CDH12: variants seen among roughly 807,000 people sequenced by gnomAD.
CDH12 encodes cadherin-12.
In CDH12, 41 loss-of-function variants were observed where a neutral mutation model predicts 74.1. The observed-to-expected ratio is 0.55, with a 90% CI of 0.43 to 0.72. The LOEUF is 0.72. CDH12 is among the 30% of genes least tolerant of loss of function. The pLI is 0.00. For synonymous variants in CDH12, 399 were observed against 355.0 expected, an observed-to-expected ratio of 1.12 and a Z score of -1.39; for missense variants, 945 against 977.2, an observed-to-expected ratio of 0.97 and a Z score of 0.44.
chr5:21,778,481 A>C (rs1745721860), intron 11 of CDH12, among the ~76,000 whole-genome samples: 1 of 150,364 alleles, frequency 6.7e-6, no homozygotes, highest in South Asian at 2.1e-4. Flanking sequence ...AAAAAAAAAA[A>C]AAAAAAAAAA....
chr5:22,596,311 G>A (rs537857398), intron 1 of CDH12, among the ~76,000 whole-genome samples: 1 of 151,258 alleles, frequency 6.6e-6, no homozygotes, highest in African/African-American at 2.4e-5. Flanking sequence ...TGTGGTGGCG[G>A]ACAGCTATAA....
At chr5:22,289,829 A>T (rs1737305877) in intron 3 of CDH12, among the ~76,000 whole-genome samples, 1 of 152,108 alleles carries the variant, frequency 6.6e-6, no homozygotes, top group African/African-American at 2.4e-5. Flanking sequence ...CATGCCCCAT[A>T]TTCTAGTCCA....
chr5:22,280,440 T>G (rs1361138159), intron 3 of CDH12, among the ~76,000 whole-genome samples: 1 of 152,082 alleles, frequency 6.6e-6, no homozygotes, highest in Non-Finnish European at 1.5e-5. Flanking sequence ...AGGAGCTGGT[T>G]TTTTGAAAAG....
At chr5:22,471,720 T>A (rs1164034589) in intron 2 of CDH12, among the ~76,000 whole-genome samples, 1 of 152,192 alleles carries the variant, frequency 6.6e-6, no homozygotes, top group Non-Finnish European at 1.5e-5. Context: ...TTCTCAGTCT[T>A]TGCCTTGCTC....
chr5:22,765,959 T>C lies in CDH12; in HGVS notation c.-523+87099A>G, dbSNP rs10462230. Reference sequence around the variant, plus strand: ...TGAAATGGTTAATGAAGTTGAAAAATGTGGACAAAGAATATAGGAAGGTAA... The same window carrying C: ...TGAAATGGTTAATGAAGTTGAAAAACGTGGACAAAGAATATAGGAAGGTAA... On this transcript the variant is annotated intron_variant, in intron 1 of 14. Transcript: ENST00000382254. 2.9e-4 allele frequency among the ~76,000 whole-genome samples: 44 copies of C among 151,718 alleles called. No individual in the cohort carries two copies. In the East Asian group the frequency reaches 6.0e-3, roughly 21 times the overall value.
chr5:21,854,554 G>A (rs1043053325), intron 7 of CDH12, 117 bp downstream of exon 7: 16 of 708,760 alleles, frequency 2.3e-5, no homozygotes, highest in South Asian at 9.1e-5. Context: ...TGCTTAATGC[G>A]CATCGCACTG....
intron 3 of CDH12, among the ~76,000 whole-genome samples, chr5:22,346,104 T>TC: frequency 1.4e-5 from 1 of 74,038 alleles, no homozygotes; most frequent in East Asian, 4.4e-4. Context: ...AGACTTCATC[T>TC]CAAAAAAAAA....
rs143504482 is a variant in CDH12 at position 22,286,932 on chromosome 5, C to T, written c.-332-74289G>A. Among the ~76,000 whole-genome samples, 272 of 152,198 alleles carry T rather than the reference C, an allele frequency of 1.8e-3. 2 individuals are homozygous for T. Among genetic ancestry groups the T allele is most frequent in the African/African-American group, 6.1e-3 (255 of 41,538 alleles). On this transcript the variant is annotated intron_variant, in intron 3 of 14. Coordinates refer to ENST00000382254, the MANE Select transcript of CDH12 (RefSeq NM_004061.5). ...CCTTCCTGTCTCTGAGTTACAAAGTCCCTATATGCATCTTTAGACATTAAA... is the reference window on the plus strand; with the variant it reads ...CCTTCCTGTCTCTGAGTTACAAAGTTCCTATATGCATCTTTAGACATTAAA...
At chr5:22,816,064 C>A (rs1307195857) in intron 1 of CDH12, among the ~76,000 whole-genome samples, 2 of 152,112 alleles carry the variant, frequency 1.3e-5, no homozygotes, top group Non-Finnish European at 2.9e-5. Context: ...TTACTTGGTT[C>A]TTACCAGAAC....
At chr5:22,069,364 G>A (rs1355219264) in intron 5 of CDH12, among the ~76,000 whole-genome samples, 1 of 152,080 alleles carries the variant, frequency 6.6e-6, no homozygotes, top group Non-Finnish European at 1.5e-5. Context: ...GGGTCTCTAG[G>A]AGACTAAAAA....
At chr5:22,293,219 C>A (rs1310529913) in intron 3 of CDH12, among the ~76,000 whole-genome samples, 1 of 152,172 alleles carries the variant, frequency 6.6e-6, no homozygotes, top group African/African-American at 2.4e-5. Context: ...CTGACCCCAG[C>A]CAACGGGGAC....
At chr5:22,228,799 TA>T (rs35324526) in intron 3 of CDH12, among the ~76,000 whole-genome samples, 50,331 of 151,860 alleles carry the variant, frequency 0.33, 9,996 homozygotes, top group Admixed American at 0.46. Flanking sequence ...TATTATGTTC[TA>T]AAAAAAATTT....
intron 1 of CDH12, among the ~76,000 whole-genome samples, chr5:22,827,418 G>T (rs1736393771): frequency 1.3e-5 from 2 of 152,150 alleles, no homozygotes; most frequent in Admixed American, 6.5e-5. Flanking sequence ...AGACTATAAA[G>T]AAACATTTAT....
chr5:22,133,006 A>T (rs1746261347), intron 4 of CDH12, among the ~76,000 whole-genome samples: 1 of 152,182 alleles, frequency 6.6e-6, no homozygotes, highest in Non-Finnish European at 1.5e-5. Flanking sequence ...TTGTCATTTT[A>T]GAAACTGATA....
chr5:22,489,368 AT>A (rs1250268122), intron 2 of CDH12, among the ~76,000 whole-genome samples: 1 of 151,670 alleles, frequency 6.6e-6, no homozygotes, highest in African/African-American at 2.4e-5. Context: ...GTTTTTCAGT[AT>A]TACTTTTCAT....
chr5:22,269,628 T>C (rs1736292080), intron 3 of CDH12, among the ~76,000 whole-genome samples: 1 of 152,144 alleles, frequency 6.6e-6, no homozygotes, highest in Non-Finnish European at 1.5e-5. Flanking sequence ...AATATCTTCT[T>C]AGATTGGAGC....
intron 5 of CDH12, among the ~76,000 whole-genome samples, chr5:21,990,817 C>T (rs1197373175): frequency 6.6e-6 from 1 of 151,342 alleles, no homozygotes; most frequent in Non-Finnish European, 1.5e-5. Flanking sequence ...TCAAGACACA[C>T]AAGTAAAAAT....
chr5:21,906,131 A>G (rs1409121736), intron 6 of CDH12, among the ~76,000 whole-genome samples: 1 of 152,120 alleles, frequency 6.6e-6, no homozygotes, highest in Non-Finnish European at 1.5e-5. Flanking sequence ...ATTTTTAAAG[A>G]TGGATATTTT....
intron 1 of CDH12, among the ~76,000 whole-genome samples, chr5:22,559,745 G>A (rs1459425778): frequency 6.6e-6 from 1 of 152,034 alleles, no homozygotes; most frequent in African/African-American, 2.4e-5. Flanking sequence ...GACAAGCAAG[G>A]CTAACGGTTG....
Sources: gnomAD v4.1 joint callset for allele counts (sites outside exome capture counted in the v4.1 genomes callset) on GRCh38, gnomAD v4.1.1 for gene constraint, MANE v1.5 for transcripts, NCBI Gene and HGNC (gene_info 2026-07-23, HGNC 2026-07-21) for gene names.